CCDC14: variants seen among roughly 807,000 people sequenced by gnomAD.
The protein encoded by CCDC14 is coiled-coil domain-containing protein 14.
Under a neutral mutation model 81.4 loss-of-function variants are expected in CCDC14, and 71 were observed. The observed-to-expected ratio is 0.87, with a 90% CI of 0.72 to 1.06. CCDC14 has a LOEUF of 1.06. Ranked by LOEUF, CCDC14 falls within the 50% of genes least tolerant of loss-of-function variation. The pLI is 0.00. For synonymous variants in CCDC14, 332 were observed against 364.8 expected (o/e 0.91, Z 1.03); for missense variants, 1,046 against 1,047.3 (o/e 1.00, Z 0.02).
At chr3:123,934,899 A>T (rs1440059022) in intron 9 of CCDC14, among the ~76,000 whole-genome samples, 3 of 152,198 alleles carry the variant, frequency 2.0e-5, no homozygotes, top group African/African-American at 7.2e-5. Flanking sequence ...TTTAGGGGGA[A>T]ATCTACATAA....
At chr3:123,933,861 C>A (rs2035893660) in intron 9 of CCDC14, 106 bp from the exon 10 acceptor site, 3 of 694,870 alleles carry the variant, frequency 4.3e-6, no homozygotes, top group Non-Finnish European at 7.2e-6. Context: ...ACTAAGACAG[C>A]AGAAGTCCAT....
chr3:123,889,271 A>C, the CCDC14 span, among the ~76,000 whole-genome samples: 134 of 152,156 alleles, frequency 8.8e-4, 1 homozygote, highest in Non-Finnish European at 1.4e-3. Flanking sequence ...AAATTAGCCA[A>C]GTGTGGTGGC....
At chr3:123,917,205 C>T (rs2034755935) in intron 12 of CCDC14, among the ~76,000 whole-genome samples, 1 of 150,208 alleles carries the variant, frequency 6.7e-6, no homozygotes, top group African/African-American at 2.4e-5. Flanking sequence ...TCTCAAAAAT[C>T]AATGAGGGCT....
chr3:123,956,990 T>C, intron 1 of CCDC14, 195 bp from the exon 2 acceptor site: 1 of 402,286 alleles, frequency 2.5e-6, no homozygotes, highest in Non-Finnish European at 4.4e-6. Flanking sequence ...TTCTATGAAT[T>C]TGACTAGTCT....
At chr3:123,946,239 C>T (rs565169872) in intron 8 of CCDC14, among the ~76,000 whole-genome samples, 1 of 151,390 alleles carries the variant, frequency 6.6e-6, no homozygotes, top group Non-Finnish European at 1.5e-5. Flanking sequence ...AAGCAAAAGC[C>T]ATTACTATAG....
intron 1 of CCDC14, among the ~76,000 whole-genome samples, chr3:123,959,488 T>C (rs1472999484): frequency 1.3e-5 from 2 of 152,244 alleles, no homozygotes; most frequent in South Asian, 2.1e-4. Flanking sequence ...TGTGTTGTTC[T>C]GCTTTTGAGT....
chr3:123,923,136 G>A (rs1001948545), intron 12 of CCDC14, among the ~76,000 whole-genome samples: 1 of 152,040 alleles, frequency 6.6e-6, no homozygotes, highest in Non-Finnish European at 1.5e-5. Flanking sequence ...GTATAAAACC[G>A]ATGAATGTGA....
chr3:123,955,996 A>G (rs1392411750), intron 4 of CCDC14, 31 bp from the exon 5 acceptor site: 9 of 1,529,256 alleles, frequency 5.9e-6, no homozygotes, highest in South Asian at 1.3e-5. Context: ...TGTTACATCA[A>G]AATAATGACT....
intron 5 of CCDC14, among the ~76,000 whole-genome samples, chr3:123,905,986 A>T (rs1243076625): frequency 6.6e-6 from 1 of 152,264 alleles, no homozygotes; most frequent in Non-Finnish European, 1.5e-5. Flanking sequence ...AACTCAACAC[A>T]TGAATTTATC....
chr3:123,924,235 G>A (rs989022339), intron 12 of CCDC14, among the ~76,000 whole-genome samples: 100 of 152,000 alleles, frequency 6.6e-4, no homozygotes, highest in African/African-American at 2.4e-3. Context: ...GGAGATCCAC[G>A]TACAGAAGAA....
At chr3:123,897,098 A>C (rs1360089032), downstream of CCDC14, among the ~76,000 whole-genome samples, 1 of 152,222 alleles carries the variant, frequency 6.6e-6, no homozygotes, top group Non-Finnish European at 1.5e-5. Flanking sequence ...CTCTCTTGTT[A>C]CAAAGCCATT....
rs76946994 is a variant in CCDC14 at position 123,942,190 on chromosome 3, C to A, written c.1343+2659G>T. ...AACTTCTTAGATATATAACCTTGGGCAAGTTACATAAACTCTTTGTGCCTT... is the reference window on the plus strand; with the variant it reads ...AACTTCTTAGATATATAACCTTGGGAAAGTTACATAAACTCTTTGTGCCTT... On this transcript the variant is annotated intron_variant, in intron 9 of 12. Coordinates refer to ENST00000409697, the MANE Select transcript of CCDC14 (RefSeq NM_001366335.1). Among the ~76,000 whole-genome samples, 392 of 152,036 alleles carry A rather than the reference C, an allele frequency of 2.6e-3. 2 individuals carry two copies. Among genetic ancestry groups the A allele is most frequent in the African/African-American group, 9.2e-3 (381 of 41,516 alleles).
chr3:123,936,800 T>C (rs1194662618), intron 9 of CCDC14, among the ~76,000 whole-genome samples: 1 of 152,024 alleles, frequency 6.6e-6, no homozygotes, highest in African/African-American at 2.4e-5. Context: ...GTGACACGTG[T>C]TTACCTATGT....
Position 123,929,462 on chromosome 3 carries a change from A to C in CCDC14, c.1778+1640T>G, listed in dbSNP as rs4678070. ...GGACTACAGGCATGCACGACCACGCACAGCTAACTTTGGTATTTTTTGTAG... is the reference window on the plus strand; with the variant it reads ...GGACTACAGGCATGCACGACCACGCCCAGCTAACTTTGGTATTTTTTGTAG... On this transcript the variant is annotated intron_variant, in intron 12 of 12. Coordinates refer to ENST00000409697, the MANE Select transcript of CCDC14 (RefSeq NM_001366335.1). Among the ~76,000 whole-genome samples, 519 of 151,852 alleles carry C rather than the reference A, an allele frequency of 3.4e-3. 8 individuals carry two copies. Among genetic ancestry groups the C allele is most frequent in the Admixed American group, 0.028 (423 of 15,246 alleles).
At chr3:123,902,898 C>G (rs1200482651) in intron 5 of CCDC14, among the ~76,000 whole-genome samples, 1 of 151,938 alleles carries the variant, frequency 6.6e-6, no homozygotes, top group Admixed American at 6.6e-5. Flanking sequence ...GTTTGCTGCA[C>G]CTATCAACCC....
Position 123,915,004 on chromosome 3 carries a change from T to C in CCDC14, c.2493A>G (p.Ala831=). ...TAAGACAACCTGATGGGCCATGACA[T>C]GCAGTTTGTTCCTCTGGCTCCTTGG... The part of the protein sequence containing the change: ...AATKEPEEQT[A]CHGPSGCLSN... The change falls in exon 13 of 13, where the codon GCA becomes GCG. Residue 831 remains alanine, a synonymous_variant. Coordinates refer to ENST00000409697, the MANE Select transcript of CCDC14 (RefSeq NM_001366335.1). 3.7e-6 allele frequency: 6 copies of C among 1,614,044 alleles called. No individual in the cohort carries two copies. Among genetic ancestry groups the C allele is most frequent in the Non-Finnish European group, 5.1e-6 (6 of 1,179,898 alleles).
At chr3:123,904,620 A>G (rs1381025180) in intron 5 of CCDC14, among the ~76,000 whole-genome samples, 1 of 56,792 alleles carries the variant, frequency 1.8e-5, no homozygotes, top group Non-Finnish European at 4.9e-5. Context: ...TGTGGAAAAA[A>G]AGAAAAAAAA....
chr3:123,893,480 T>C (rs1395185047), downstream of CCDC14, among the ~76,000 whole-genome samples: 1 of 152,204 alleles, frequency 6.6e-6, no homozygotes, highest in Non-Finnish European at 1.5e-5. Context: ...TTAATGGACA[T>C]TTGGGTTGTT....
intron 5 of CCDC14, among the ~76,000 whole-genome samples, chr3:123,905,280 G>A (rs1365289039): frequency 6.6e-6 from 1 of 152,136 alleles, no homozygotes; most frequent in Non-Finnish European, 1.5e-5. Flanking sequence ...AATAGAAGGT[G>A]GCCAGGCAGA....
Sources: allele counts gnomAD v4.1 joint callset (sites outside exome capture counted in the v4.1 genomes callset), GRCh38; gene constraint gnomAD v4.1.1; transcripts MANE v1.5; gene names NCBI Gene and HGNC (gene_info 2026-07-23, HGNC 2026-07-21).